The following GULP1 variants were observed in gnomAD, a reference collection of about 807,000 sequenced individuals.
GULP1 encodes the protein PTB domain-containing engulfment adapter protein 1.
GULP1 carries 19 observed loss-of-function variants against 40.9 expected under a neutral mutation model. The observed-to-expected ratio is 0.46, with a 90% CI of 0.32 to 0.68. The LOEUF is 0.68. Among genes scored for constraint, GULP1 ranks in the 30% least tolerant of loss-of-function variants. GULP1 has a pLI of 0.03. For synonymous variants in GULP1, 119 were observed against 117.6 expected, an observed-to-expected ratio of 1.01 and a Z score of -0.08; for missense variants, 312 against 362.2, an observed-to-expected ratio of 0.86 and a Z score of 1.12.
rs866839258 is a variant in GULP1, at chr2:188,566,821, G to A, written c.400-2418G>A. Among the ~76,000 whole-genome samples the A allele has an allele frequency of 7.5e-3, 1,021 of 136,860 alleles. 30 individuals are homozygous for A. Among genetic ancestry groups the A allele is most frequent in the African/African-American group, 0.026 (919 of 35,830 alleles). 89.8% of individuals were successfully genotyped at this position (136,860 alleles called of 152,430 possible). A position where few individuals can be genotyped will look rare whatever the true frequency, so the allele number is the denominator to read the frequency against. ...AAAAAAAAAAAAAAAAAAAAAAAAA[G>A]GGGAAGGATACATCGAAATCATAAT... On this transcript the variant is annotated intron_variant, in intron 7 of 11. Coordinates refer to ENST00000409830, the MANE Select transcript of GULP1 (RefSeq NM_016315.4).
chr2:188,595,439 G>T lies in GULP1; in HGVS notation c.*1428G>T, dbSNP rs1704282325. ...ATATATTTGTGTGTTTTTCCTTAATGTTATATGGTATATATGAGCCTTCTT... is the reference window on the plus strand; with the variant it reads ...ATATATTTGTGTGTTTTTCCTTAATTTTATATGGTATATATGAGCCTTCTT... On this transcript the variant is annotated 3_prime_UTR_variant, in exon 12 of 12. Transcript: ENST00000409830. 1 of 152,000 alleles carries T rather than the reference G, an allele frequency of 6.6e-6. No homozygotes were observed. Among genetic ancestry groups the T allele is most frequent in the Non-Finnish European group, 1.5e-5 (1 of 67,694 alleles). The allele number at this position is 152,000 out of a possible 1,614,324, so 9.4% of individuals were successfully genotyped here. A position where few individuals can be genotyped will look rare whatever the true frequency, so the allele number is the denominator to read the frequency against.
intron 4 of GULP1, among the ~76,000 whole-genome samples, chr2:188,483,997 C>G (rs1225879896): frequency 6.6e-6 from 1 of 152,054 alleles, no homozygotes; most frequent in African/African-American, 2.4e-5. Context: ...GATCTTGGCT[C>G]TCTGCAACCT....
chr2:188,377,765 T>TA (rs2048478273), intron 1 of GULP1, among the ~76,000 whole-genome samples: 3 of 152,218 alleles, frequency 2.0e-5, no homozygotes, highest in Admixed American at 1.3e-4. Flanking sequence ...AAGCTAATGC[T>TA]ACGTAAAAGA....
chr2:188,448,804 A>T (rs537645056), intron 2 of GULP1, among the ~76,000 whole-genome samples: 1 of 152,062 alleles, frequency 6.6e-6, no homozygotes, highest in Non-Finnish European at 1.5e-5. Context: ...TGGCTGTCCT[A>T]ATGATAGTAA....
intron 4 of GULP1, among the ~76,000 whole-genome samples, chr2:188,505,778 G>T (rs964781524): frequency 6.6e-6 from 1 of 151,774 alleles, no homozygotes; most frequent in Non-Finnish European, 1.5e-5. Context: ...TAAATTAAAG[G>T]CATTGAAATA....
chr2:188,352,996 G>A (rs1254838717), intron 1 of GULP1, among the ~76,000 whole-genome samples: 1 of 152,010 alleles, frequency 6.6e-6, no homozygotes, highest in Non-Finnish European at 1.5e-5. Flanking sequence ...AAGTTGATCG[G>A]TAAGGTTTTG....
chr2:188,502,238 G>A (rs1355965203), intron 4 of GULP1, among the ~76,000 whole-genome samples: 1 of 151,786 alleles, frequency 6.6e-6, no homozygotes, highest in Non-Finnish European at 1.5e-5. Context: ...TCCATGGAAG[G>A]TGGTTTTCCC....
intron 4 of GULP1, among the ~76,000 whole-genome samples, chr2:188,520,646 G>A (rs905813340): frequency 3.3e-5 from 5 of 151,976 alleles, no homozygotes; most frequent in African/African-American, 1.2e-4. Context: ...CATCAGAAAG[G>A]GAACACCAGT....
At chr2:188,588,342 A>C (rs552375185) in intron 11 of GULP1, 97 of 187,504 alleles carry the variant, frequency 5.2e-4, no homozygotes, top group South Asian at 1.9e-3. Flanking sequence ...AATCTTTGTA[A>C]GAGTGAAATT....
In GULP1 at chr2:188,541,184, G is replaced by T. The variant is rs759670044; in HGVS notation, c.265G>T (p.Val89Phe). 1 of 1,612,442 alleles carries T rather than the reference G, an allele frequency of 6.2e-7. No individual in the cohort carries two copies. The highest frequency in any genetic ancestry group is 1.1e-5 in the South Asian group (1 of 91,012). The change falls in exon 7 of 12, where the codon GTT (valine) becomes TTT (phenylalanine). Residue 89 changes from valine (V) to phenylalanine (F), a missense_variant. Val to Phe is a conservative substitution (Grantham distance 50). Coordinates refer to ENST00000409830, the MANE Select transcript of GULP1 (RefSeq NM_016315.4). ...VKILEPKTKE[V>F]QHNCQLHRIS... is the part of the protein sequence containing the mutation. ...TTATTTCCATCTGTGTTCACAGGAAGTTCAACACAATTGCCAGCTTCATAG... is the reference window on the plus strand; with the variant it reads ...TTATTTCCATCTGTGTTCACAGGAATTTCAACACAATTGCCAGCTTCATAG...
At chr2:188,449,121 A>G (rs1300291066) in intron 2 of GULP1, among the ~76,000 whole-genome samples, 1 of 152,226 alleles carries the variant, frequency 6.6e-6, no homozygotes, top group Non-Finnish European at 1.5e-5. Flanking sequence ...TTGGCACAGA[A>G]TAGGCACATA....
chr2:188,458,368 A>G (rs1228397697), intron 2 of GULP1, among the ~76,000 whole-genome samples: 1 of 151,972 alleles, frequency 6.6e-6, no homozygotes, highest in Admixed American at 6.6e-5. Context: ...AGTCTATCTC[A>G]CCCTCCATTT....
intron 1 of GULP1, among the ~76,000 whole-genome samples, chr2:188,298,557 T>C (rs940001855): frequency 2.0e-4 from 30 of 152,198 alleles, no homozygotes; most frequent in Non-Finnish European, 3.7e-4. Flanking sequence ...TAAATTTTTA[T>C]GAATTATTTT....
At chr2:188,462,341 A>G (rs1418392809) in intron 2 of GULP1, among the ~76,000 whole-genome samples, 1 of 152,178 alleles carries the variant, frequency 6.6e-6, no homozygotes, top group Non-Finnish European at 1.5e-5. Flanking sequence ...TTGTGACCTA[A>G]CATATGGTCT....
At position 188,566,235 on chromosome 2, in the gene GULP1, G is replaced by A. The variant is rs550635590; in HGVS notation, c.400-3004G>A. On this transcript the variant is annotated intron_variant, in intron 7 of 11. Coordinates refer to ENST00000409830, the MANE Select transcript of GULP1 (RefSeq NM_016315.4). Reference sequence around the variant, plus strand: ...CAGTTTCTCCATTCACTAGCTTTAGGCAAGTTATACAACTTTACAAAATTG... The same window carrying A: ...CAGTTTCTCCATTCACTAGCTTTAGACAAGTTATACAACTTTACAAAATTG... Among the ~76,000 whole-genome samples, 3 of 152,030 alleles carry A rather than the reference G, an allele frequency of 2.0e-5. No homozygotes were observed. In the East Asian group the frequency reaches 5.8e-4, roughly 29 times the overall value.
At chr2:188,472,066 C>T (rs2060634491) in intron 2 of GULP1, among the ~76,000 whole-genome samples, 1 of 151,826 alleles carries the variant, frequency 6.6e-6, no homozygotes, top group Non-Finnish European at 1.5e-5. Flanking sequence ...GATTTTTTTC[C>T]TTTAGCAGTT....
intron 2 of GULP1, among the ~76,000 whole-genome samples, chr2:188,410,244 A>T (rs1191204446): frequency 6.6e-6 from 1 of 152,192 alleles, no homozygotes; most frequent in East Asian, 1.9e-4. Context: ...AGACTATAAA[A>T]CTACTAGAAG....
intron 1 of GULP1, among the ~76,000 whole-genome samples, chr2:188,327,268 A>G (rs1003007728): frequency 1.3e-5 from 2 of 152,178 alleles, no homozygotes; most frequent in African/African-American, 2.4e-5. Flanking sequence ...TCCTGTACCA[A>G]CATAGGGCTC....
At chr2:188,409,679 C>G (rs1365020082) in intron 2 of GULP1, among the ~76,000 whole-genome samples, 1 of 152,048 alleles carries the variant, frequency 6.6e-6, no homozygotes, top group Non-Finnish European at 1.5e-5. Flanking sequence ...AGGCCAATAT[C>G]CCTGATGTAC....
Sources: allele counts gnomAD v4.1 joint callset (sites outside exome capture counted in the v4.1 genomes callset), GRCh38; gene constraint gnomAD v4.1.1; transcripts MANE v1.5; gene names NCBI Gene and HGNC (gene_info 2026-07-23, HGNC 2026-07-21).